The following RAI1 variants were observed in gnomAD, a reference collection of about 807,000 sequenced individuals.
RAI1 encodes retinoic acid induced 1, also known as retinoic acid-induced protein 1.
A neutral mutation model predicts 123.8 loss-of-function variants in RAI1; 9 were observed. The observed-to-expected ratio is 0.07, with a 90% CI of 0.04 to 0.13. RAI1 has a LOEUF of 0.13. Among genes scored for constraint, RAI1 ranks in the 10% least tolerant of loss-of-function variants. The probability of loss-of-function intolerance (pLI) is 1.00; values close to 1 mark genes in which losing one functional copy is unlikely to be tolerated. For missense variants in RAI1, 2,256 were observed against 2,545.8 expected, an observed-to-expected ratio of 0.89 and a Z score of 2.45; for synonymous variants, 1,231 against 1,127.3, an observed-to-expected ratio of 1.09 and a Z score of -1.84.
At chr17:17,773,419 C>A (rs1272700328) in intron 2 of RAI1, among the ~76,000 whole-genome samples, 2 of 152,136 alleles carry the variant, frequency 1.3e-5, no homozygotes, top group Non-Finnish European at 1.5e-5. Flanking sequence ...CCGATGCCCT[C>A]CTCCATCCCT....
At chr17:17,767,561 TC>T (rs1335990578) in intron 2 of RAI1, among the ~76,000 whole-genome samples, 7 of 152,250 alleles carry the variant, frequency 4.6e-5, no homozygotes, top group African/African-American at 1.4e-4. Flanking sequence ...TGCTTTTGCA[TC>T]CTGCCTTTTC....
chr17:17,722,286 T>C (rs1915904979), intron 1 of RAI1, among the ~76,000 whole-genome samples: 1 of 152,132 alleles, frequency 6.6e-6, no homozygotes, highest in Admixed American at 6.5e-5. Context: ...AATGAATGAA[T>C]GCATGCGTGG....
At chr17:17,731,319 G>A (rs1484274545) in intron 2 of RAI1, among the ~76,000 whole-genome samples, 2 of 152,230 alleles carry the variant, frequency 1.3e-5, no homozygotes, top group South Asian at 4.1e-4. Context: ...ATGCCCTGGC[G>A]AAGGCACCCA....
chr17:17,785,387 T>G (rs1009397252), intron 2 of RAI1, among the ~76,000 whole-genome samples: 1 of 152,260 alleles, frequency 6.6e-6, no homozygotes, highest in African/African-American at 2.4e-5. Flanking sequence ...CAAGTAATAC[T>G]GAAGGGACAT....
chr17:17,736,247 G>A (rs559661071), intron 2 of RAI1, among the ~76,000 whole-genome samples: 1 of 152,272 alleles, frequency 6.6e-6, no homozygotes, highest in East Asian at 1.9e-4. Context: ...CTCTGTCCTG[G>A]TTCATTCCTT....
At chr17:17,753,920 T>A (rs1317610246) in intron 2 of RAI1, among the ~76,000 whole-genome samples, 1 of 152,138 alleles carries the variant, frequency 6.6e-6, no homozygotes, top group Non-Finnish European at 1.5e-5. Flanking sequence ...TTCAGAAAAA[T>A]GTGCTTGTCC....
At chr17:17,741,397 A>T (rs1441923465) in intron 2 of RAI1, among the ~76,000 whole-genome samples, 1 of 152,088 alleles carries the variant, frequency 6.6e-6, no homozygotes, top group Non-Finnish European at 1.5e-5. Flanking sequence ...GGGCCCCTCC[A>T]TCACCCCATT....
At chr17:17,728,597 T>C (rs1916168103) in intron 2 of RAI1, among the ~76,000 whole-genome samples, 1 of 152,060 alleles carries the variant, frequency 6.6e-6, no homozygotes, top group African/African-American at 2.4e-5. Flanking sequence ...CAAGTCTGAT[T>C]GGAGCTTCTC....
chr17:17,754,442 G>C (rs970140785), intron 2 of RAI1, among the ~76,000 whole-genome samples: 10 of 151,984 alleles, frequency 6.6e-5, no homozygotes, highest in Non-Finnish European at 1.5e-4. Context: ...CTCCATGTTG[G>C]TCAGGCTGGT....
chr17:17,792,637 C>T (rs2032058357), intron 2 of RAI1, among the ~76,000 whole-genome samples: 1 of 151,878 alleles, frequency 6.6e-6, no homozygotes, highest in Non-Finnish European at 1.5e-5. Context: ...TTGCCTCCCG[C>T]ATCAGTGGCC....
intron 1 of RAI1, among the ~76,000 whole-genome samples, chr17:17,686,123 GC>G (rs1914620650): frequency 1.3e-5 from 2 of 152,238 alleles, no homozygotes; most frequent in African/African-American, 4.8e-5. Context: ...GCTCTCTCCG[GC>G]CCAGTGCCAA....
At chr17:17,763,851 A>C (rs988689024) in intron 2 of RAI1, among the ~76,000 whole-genome samples, 1 of 152,148 alleles carries the variant, frequency 6.6e-6, no homozygotes. Context: ...TTTGACCCTC[A>C]CTCATGCCAG....
Position 17,796,691 on chromosome 17 carries a change from G to A in RAI1, c.3743G>A (p.Ser1248Asn). The A allele has an allele frequency of 6.2e-7, 1 of 1,613,238 alleles. No homozygotes were observed. The highest frequency in any genetic ancestry group is 8.5e-7 in the Non-Finnish European group (1 of 1,179,732). Residue 1248 changes from serine (S) to asparagine (N), a missense_variant, in exon 3 of 6, where the codon AGC (serine) becomes AAC (asparagine). This residue lies in a region of RAI1 where 322 missense variants were observed against 358.0 expected (regional missense o/e 0.90). Coordinates refer to ENST00000353383, the MANE Select transcript of RAI1 (RefSeq NM_030665.4). This position sits in a 1 kb window ranked among gnomAD's most constrained non-coding sequence, Gnocchi z 5.8. ...GTCTTGCGGAGCCGCAGCAGCAGCA[G>A]CAGCAACGCCAGTGGCAATGGGGGA... ...NLVLRSRSSS[S>N]SNASGNGGDG...
chr17:17,764,861 A>T (rs192658306), intron 2 of RAI1, among the ~76,000 whole-genome samples: 25 of 152,378 alleles, frequency 1.6e-4, no homozygotes, highest in African/African-American at 5.5e-4. Flanking sequence ...AAGTGCTGGG[A>T]TTATAGGCAT....
At chr17:17,723,545 A>AC (rs577444463) in intron 1 of RAI1, among the ~76,000 whole-genome samples, 1 of 111,380 alleles carries the variant, frequency 9.0e-6, no homozygotes, top group Non-Finnish European at 1.9e-5. Context: ...TTACACTCAC[A>AC]CCCCCCGTCC....
intron 2 of RAI1, among the ~76,000 whole-genome samples, chr17:17,755,613 T>C (rs1006255536): frequency 1.3e-5 from 2 of 152,146 alleles, no homozygotes; most frequent in African/African-American, 4.8e-5. Context: ...CATGTCCTCC[T>C]CCATCAGTCA....
At chr17:17,764,752 C>A (rs1031270839) in intron 2 of RAI1, among the ~76,000 whole-genome samples, 3 of 152,218 alleles carry the variant, frequency 2.0e-5, no homozygotes, top group African/African-American at 4.8e-5. Context: ...GTGCCTGCCA[C>A]CACGCCTAAC....
At chr17:17,722,162 C>T (rs1216351530) in intron 1 of RAI1, among the ~76,000 whole-genome samples, 1 of 152,052 alleles carries the variant, frequency 6.6e-6, no homozygotes, top group Non-Finnish European at 1.5e-5. Flanking sequence ...AGTGGTGGGA[C>T]GAGCCAGGGC....
chr17:17,732,254 G>A (rs1389489113), intron 2 of RAI1, among the ~76,000 whole-genome samples: 1 of 152,192 alleles, frequency 6.6e-6, no homozygotes, highest in Non-Finnish European at 1.5e-5. Flanking sequence ...TGGGAGCGTT[G>A]GCCTCCTTAC....
Sources: allele counts gnomAD v4.1 joint callset (sites outside exome capture counted in the v4.1 genomes callset), GRCh38; gene constraint gnomAD v4.1.1; regional missense constraint gnomAD v4.1.1; non-coding constraint Gnocchi (gnomAD v3.1); transcripts MANE v1.5; gene names NCBI Gene and HGNC (gene_info 2026-07-23, HGNC 2026-07-21).